The following TBC1D10A variants were observed in gnomAD, a reference collection of about 807,000 sequenced individuals.
TBC1D10A encodes TBC1 domain family member 10A.
Under a neutral mutation model 52.9 loss-of-function variants are expected in TBC1D10A, and 24 were observed. The ratio of observed to expected loss-of-function variants is 0.45; its 90% CI spans 0.33 to 0.64. The LOEUF (loss-of-function observed/expected upper bound fraction) is 0.64. Among genes scored for constraint, TBC1D10A ranks in the 30% least tolerant of loss-of-function variants. The pLI is 0.02. For synonymous variants in TBC1D10A, 278 were observed against 282.9 expected (o/e 0.98, Z 0.17); for missense variants, 602 against 687.9 (o/e 0.88, Z 1.40).
intron 1 of TBC1D10A, among the ~76,000 whole-genome samples, chr22:30,323,049 CCCA>C (rs991371509): frequency 6.6e-6 from 1 of 151,508 alleles, no homozygotes; most frequent in Non-Finnish European, 1.5e-5. Flanking sequence ...ATTACAGGTG[CCCA>C]CCACAATGCC....
intron 2 of TBC1D10A, among the ~76,000 whole-genome samples, chr22:30,303,306 TAGACAGACAGACAGAC>T (rs3067181): frequency 1.1e-4 from 17 of 149,024 alleles, no homozygotes; most frequent in East Asian, 1.0e-3. Context: ...GATAGATAGA[TAGACAGACAGACAGAC>T]AGACAGACAG....
intron 2 of TBC1D10A, 193 bp from the exon 3 acceptor site, chr22:30,299,744 A>G (rs1321311445): frequency 6.3e-6 from 3 of 474,766 alleles, no homozygotes; most frequent in Non-Finnish European, 1.2e-5. Context: ...AGGCGGGTGG[A>G]TCACCTGAGT....
At chr22:30,311,708 A>C (rs737948) in intron 1 of TBC1D10A, among the ~76,000 whole-genome samples, 29,559 of 152,116 alleles carry the variant, frequency 0.19, 3,194 homozygotes, top group Middle Eastern at 0.35. Flanking sequence ...TCCCAAAAAG[A>C]AAAACCAAGG....
Position 30,304,548 on chromosome 22 carries a change from C to A in TBC1D10A, c.292G>T (p.Ala98Ser). Residue 98 changes from alanine (A) to serine (S), a missense_variant, in exon 2 of 9, where the codon GCC becomes TCC. Transcript: ENST00000215790. ...CCCCTCACCTTTTTGTGCTTCTTGG[C>A]CATCCATTTGTCCCAGTTGTTGAGC... ...DMLNNWDKWM[A>S]KKHKKIRLRC... is the part of the protein sequence containing the mutation. 2 of 1,614,118 alleles carry A rather than the reference C, an allele frequency of 1.2e-6. No homozygotes were observed. Among genetic ancestry groups the A allele is most frequent in the Non-Finnish European group, 1.7e-6 (2 of 1,179,974 alleles).
intron 1 of TBC1D10A, among the ~76,000 whole-genome samples, chr22:30,317,684 AGCTCACT>A (rs1204850216): frequency 6.6e-6 from 1 of 152,156 alleles, no homozygotes; most frequent in Non-Finnish European, 1.5e-5. Flanking sequence ...GCACAATCAC[AGCTCACT>A]GCAGCCTCAA....
chr22:30,317,280 C>G (rs531624110), intron 1 of TBC1D10A, among the ~76,000 whole-genome samples: 1 of 151,806 alleles, frequency 6.6e-6, no homozygotes, highest in South Asian at 2.1e-4. Flanking sequence ...TGGTGGTGGG[C>G]ACCTAAAACC....
intron 1 of TBC1D10A, chr22:30,318,514 G>T: frequency 2.3e-6 from 1 of 428,406 alleles, no homozygotes; most frequent in Non-Finnish European, 4.8e-6. Context: ...GGGGAGCCCA[G>T]AGCTGTGACA....
chr22:30,326,732 G>T lies in TBC1D10A; in HGVS notation c.150C>A (p.Phe50Leu). Residue 50 changes from phenylalanine (F) to leucine (L), a missense_variant, in exon 1 of 9, where the codon TTC (phenylalanine) becomes TTA (leucine). By Grantham distance (22) the Phe-to-Leu change is conservative. Transcript: ENST00000215790. ...CGAACTTGTCGATGCGGCGCTCGGCGAAGCCGTTGGCCTCCGAGTCAGACC... is the reference window on the plus strand; with the variant it reads ...CGAACTTGTCGATGCGGCGCTCGGCTAAGCCGTTGGCCTCCGAGTCAGACC... ...SLGSDSEANGFAERRIDKFGF... is the reference protein window; with the variant it reads ...SLGSDSEANGLAERRIDKFGF... 1 of 1,542,624 alleles carries T rather than the reference G, an allele frequency of 6.5e-7. No individual in the cohort carries two copies. The highest frequency in any genetic ancestry group is 8.7e-7 in the Non-Finnish European group (1 of 1,143,502).
intron 1 of TBC1D10A, among the ~76,000 whole-genome samples, chr22:30,310,969 T>C (rs138046647): frequency 0.017 from 2,651 of 151,974 alleles, 40 homozygotes; most frequent in Non-Finnish European, 0.023. Context: ...GAGGAGGCAG[T>C]TGGAGGAAGT....
In TBC1D10A at chr22:30,326,761, G is replaced by C. The variant is rs749665210; in HGVS notation, c.121C>G (p.Leu41Val). Residue 41 changes from leucine to valine, a missense_variant, in exon 1 of 9, where the codon CTC (leucine) becomes GTC (valine). Leu to Val is a conservative substitution (Grantham distance 32). Coordinates refer to ENST00000215790, the MANE Select transcript of TBC1D10A (RefSeq NM_031937.3). ...CCGTTGGCCTCCGAGTCAGACCCGA[G>C]AGAGCTGAGTTCGTCGGTGGTTGCG... The part of the protein sequence containing the change: ...DAATTDELSS[L>V]GSDSEANGFA... 4.1e-5 allele frequency: 62 copies of C among 1,526,262 alleles called. No individual in the cohort carries two copies. The highest frequency in any genetic ancestry group is 5.9e-5 in the Admixed American group (3 of 50,812). 94.5% of individuals were successfully genotyped at this position (1,526,262 alleles called of 1,614,324 possible).
In TBC1D10A at chr22:30,292,843, C is replaced by T. The variant is rs891670487; in HGVS notation, c.1059G>A (p.Glu353=). 2 of 1,610,912 alleles carry T rather than the reference C, an allele frequency of 1.2e-6. No individual in the cohort carries two copies. Among genetic ancestry groups the T allele is most frequent in the African/African-American group, 2.7e-5 (2 of 74,840 alleles). The change falls in exon 9 of 9, where the codon GAG becomes GAA. Residue 353 remains glutamate, a synonymous_variant. Coordinates refer to ENST00000215790, the MANE Select transcript of TBC1D10A (RefSeq NM_031937.3). ...CAATCTGGCGCTCTGTCACGGGCAA[C>T]TCCACCACCTGCAGGGGCAGTGACA... ...QEAFLVQEVV[E]LPVTERQIER...
In TBC1D10A at chr22:30,292,723, G is replaced by A; in HGVS notation, c.1179C>T (p.Ile393=). 6.2e-7 allele frequency: 1 copy of A among 1,610,532 alleles called. No homozygotes were observed. Among genetic ancestry groups the A allele is most frequent in the Non-Finnish European group, 8.5e-7 (1 of 1,178,424 alleles). The change falls in exon 9 of 9, where the codon ATC becomes ATT. Residue 393 remains isoleucine, a synonymous_variant. Transcript: ENST00000215790. ...SPPRLHGAKA[I]LDAEPGPRPA... is the part of the protein sequence containing the mutation. The stretch of plus-strand genomic sequence containing the variant: ...GCCGGGGACCAGGTTCTGCATCCAA[G>A]ATAGCCTTGGCACCATGCAGCCTGG...
At chr22:30,325,710 C>T (rs2145789802) in intron 1 of TBC1D10A, among the ~76,000 whole-genome samples, 1 of 152,262 alleles carries the variant, frequency 6.6e-6, no homozygotes, top group Middle Eastern at 3.4e-3. Flanking sequence ...CACTGCCCCA[C>T]ATTTCTCTGT....
At chr22:30,317,331 C>T (rs1388955489) in intron 1 of TBC1D10A, among the ~76,000 whole-genome samples, 4 of 152,102 alleles carry the variant, frequency 2.6e-5, no homozygotes, top group African/African-American at 4.8e-5. Context: ...TCGCTTGAAC[C>T]GGAAGGCAGA....
chr22:30,322,083 G>A (rs781546165), intron 1 of TBC1D10A, among the ~76,000 whole-genome samples: 5 of 150,776 alleles, frequency 3.3e-5, no homozygotes, highest in African/African-American at 1.2e-4. Context: ...AAGCTCAAGC[G>A]ATTCTCCTGT....
At chr22:30,315,893 A>G (rs1316199878) in intron 1 of TBC1D10A, among the ~76,000 whole-genome samples, 1 of 152,210 alleles carries the variant, frequency 6.6e-6, no homozygotes, top group Non-Finnish European at 1.5e-5. Context: ...TGAAGTCCTA[A>G]GACTGGGACA....
At position 30,293,960 on chromosome 22, in the gene TBC1D10A, T is replaced by A; in HGVS notation, c.856A>T (p.Ser286Cys). The A allele has an allele frequency of 6.2e-7, 1 of 1,614,018 alleles. No homozygotes were observed. The change falls in exon 7 of 9, where the codon AGC (serine) becomes TGC (cysteine). Residue 286 changes from serine to cysteine, a missense_variant. Ser to Cys is a moderately radical substitution (Grantham distance 112, BLOSUM62 -1). Coordinates refer to ENST00000215790, the MANE Select transcript of TBC1D10A (RefSeq NM_031937.3). ...MCAFSRTLPW[S>C]SVLRVWDMFF... Reference sequence around the variant, plus strand: ...ATGTCCCAGACACGCAGCACAGAGCTCCAGGGCAAGGTTCGGGAGAAGGCG... The same window carrying A: ...ATGTCCCAGACACGCAGCACAGAGCACCAGGGCAAGGTTCGGGAGAAGGCG...
At chr22:30,304,920 T>C (rs1468612810) in intron 1 of TBC1D10A, among the ~76,000 whole-genome samples, 1 of 152,240 alleles carries the variant, frequency 6.6e-6, no homozygotes, top group Non-Finnish European at 1.5e-5. Context: ...TGAGTGAGTG[T>C]CTGCATCTGT....
chr22:30,313,475 C>G (rs958210923), intron 1 of TBC1D10A, among the ~76,000 whole-genome samples: 5 of 151,396 alleles, frequency 3.3e-5, no homozygotes, highest in Admixed American at 3.3e-4. Context: ...CCTCCGCCTC[C>G]CGGGTTCAAG....
Sources: allele counts gnomAD v4.1 joint callset (sites outside exome capture counted in the v4.1 genomes callset), GRCh38; gene constraint gnomAD v4.1.1; transcripts MANE v1.5; gene names NCBI Gene and HGNC (gene_info 2026-07-23, HGNC 2026-07-21).